Variants in ZNF253 observed in about 807,000 individuals in gnomAD.
ZNF253 encodes the protein DNA-binding protein.
In ZNF253, 8 loss-of-function variants were observed where a neutral mutation model predicts 11.9. The observed-to-expected ratio is 0.67, with a 90% CI of 0.40 to 1.22. The LOEUF (loss-of-function observed/expected upper bound fraction) is 1.22, where lower values mean the gene tolerates loss of function less well. ZNF253 is among the 50% of genes most tolerant of loss of function. The pLI is 0.01. For missense variants in ZNF253, 485 were observed against 586.9 expected, an observed-to-expected ratio of 0.83 and a Z score of 1.79; for synonymous variants, 194 against 194.9, an observed-to-expected ratio of 1.00 and a Z score of 0.04.
At chr19:19,870,076 C>CTTTATA (rs2063127848) in intron 1 of ZNF253, among the ~76,000 whole-genome samples, 1 of 152,012 alleles carries the variant, frequency 6.6e-6, no homozygotes, top group Non-Finnish European at 1.5e-5. Flanking sequence ...AGTGTTTTAA[C>CTTTATA]TGAAGTATAG....
chr19:19,876,168 A>G (rs79430981), intron 1 of ZNF253, among the ~76,000 whole-genome samples: 3 of 147,616 alleles, frequency 2.0e-5, no homozygotes, highest in East Asian at 2.0e-4. Flanking sequence ...AATGCTAACA[A>G]TGAGCCCAGG....
chr19:19,871,222 C>T (rs7253407), intron 1 of ZNF253: 65,566 of 152,458 alleles, frequency 0.43, 18,834 homozygotes, highest in African/African-American at 0.81. Context: ...GCTCACATTC[C>T]CATGATTGTG....
At chr19:19,883,896 A>G (rs1167233145) in intron 3 of ZNF253, among the ~76,000 whole-genome samples, 1 of 151,298 alleles carries the variant, frequency 6.6e-6, no homozygotes, top group East Asian at 1.9e-4. Flanking sequence ...TCTGTACTAA[A>G]ATACAAAAAA....
chr19:19,886,366 T>A (rs1026978448), intron 3 of ZNF253, among the ~76,000 whole-genome samples: 3 of 152,242 alleles, frequency 2.0e-5, no homozygotes, highest in Admixed American at 1.3e-4. Context: ...TTGTGTATTA[T>A]CTTGGTTTTG....
At chr19:19,865,848 G>A, upstream of ZNF253, 1 of 1,014,114 alleles carries the variant, frequency 9.9e-7, no homozygotes. Flanking sequence ...TGGTTTCTGG[G>A]GGCCTTTGTT....
intron 2 of ZNF253, among the ~76,000 whole-genome samples, chr19:19,879,675 C>T (rs1314560684): frequency 6.6e-6 from 1 of 152,170 alleles, no homozygotes; most frequent in Non-Finnish European, 1.5e-5. Context: ...TCTGTAGTAT[C>T]TCTGATGCAG....
chr19:19,889,840 A>G (rs1337188873), intron 3 of ZNF253, among the ~76,000 whole-genome samples: 1 of 150,754 alleles, frequency 6.6e-6, no homozygotes, highest in Non-Finnish European at 1.5e-5. Flanking sequence ...GGGTTTCACC[A>G]TGTTGGCCAG....
intron 3 of ZNF253, among the ~76,000 whole-genome samples, chr19:19,884,124 G>A (rs2063189159): frequency 6.6e-6 from 1 of 151,294 alleles, no homozygotes; most frequent in South Asian, 2.1e-4. Context: ...TTTGTTACTG[G>A]TTTAATTCAG....
chr19:19,880,343 T>G (rs2063172823), intron 3 of ZNF253, among the ~76,000 whole-genome samples, 197 bp downstream of exon 3: 1 of 150,330 alleles, frequency 6.7e-6, no homozygotes, highest in Non-Finnish European at 1.5e-5. Flanking sequence ...CTCTAAGAAT[T>G]CTACTTCTCC....
rs560249234 is a variant in ZNF253 at position 19,887,934 on chromosome 19, A to G, written c.227-3540A>G. Among the ~76,000 whole-genome samples the G allele has an allele frequency of 8.6e-4, 128 of 148,968 alleles. 1 individual carries two copies. Among genetic ancestry groups the G allele is most frequent in the Non-Finnish European group, 1.7e-3 (115 of 67,300 alleles). On this transcript the variant is annotated intron_variant, in intron 3 of 3. Transcript: ENST00000589717. ...GTATTTTTAGTAGAGATGGGGTTTCACCATGTTGATCAGGCTGATAAAATT... is the reference window on the plus strand; with the variant it reads ...GTATTTTTAGTAGAGATGGGGTTTCGCCATGTTGATCAGGCTGATAAAATT...
intron 1 of ZNF253, among the ~76,000 whole-genome samples, chr19:19,872,561 C>CTATATATATATATATA (rs58650123): frequency 5.5e-4 from 67 of 121,916 alleles, no homozygotes; most frequent in South Asian, 2.6e-3. Flanking sequence ...TAAACCATAA[C>CTATATATATATATATA]TATATATATA....
At chr19:19,885,844 T>C (rs747237819) in intron 3 of ZNF253, among the ~76,000 whole-genome samples, 2 of 152,234 alleles carry the variant, frequency 1.3e-5, no homozygotes, top group African/African-American at 2.4e-5. Context: ...CTTTGAACAA[T>C]GAAATTTTTT....
In ZNF253 at chr19:19,871,266, C is replaced by T. The variant is rs150222092; in HGVS notation, c.3+5267C>T. ...ATTCTACCCATGAGGCCTGCAGGCT[C>T]TCCTCCTGCAGCTCAGGCCTCACTC... On this transcript the variant is annotated intron_variant, in intron 1 of 3. Coordinates refer to ENST00000589717, the MANE Select transcript of ZNF253 (RefSeq NM_021047.3). 6.4e-3 allele frequency: 980 copies of T among 152,852 alleles called. 9 individuals carry two copies. The highest frequency in any genetic ancestry group is 0.01 in the Admixed American group (159 of 15,290). 9.5% of individuals were successfully genotyped at this position (152,852 alleles called of 1,614,324 possible).
intron 3 of ZNF253, among the ~76,000 whole-genome samples, chr19:19,890,498 TTGTGTGTGTGTGTG>T (rs35114806): frequency 2.1e-4 from 30 of 141,044 alleles, no homozygotes; most frequent in African/African-American, 3.7e-4. Context: ...CAATTTATAT[TTGTGTGTGTGTGTG>T]TGTGTGTGTG....
chr19:19,880,718 A>G (rs1180320757), intron 3 of ZNF253, among the ~76,000 whole-genome samples: 5 of 150,898 alleles, frequency 3.3e-5, no homozygotes, highest in African/African-American at 1.2e-4. Context: ...AAAAAAAAAA[A>G]AAGAGAGAAT....
intron 1 of ZNF253, among the ~76,000 whole-genome samples, chr19:19,868,096 G>A (rs1184779774): frequency 6.6e-6 from 1 of 151,100 alleles, no homozygotes; most frequent in East Asian, 1.9e-4. Flanking sequence ...CTGGATATTA[G>A]ACTTTTGTCA....
At chr19:19,871,326 G>A (rs1329940706) in intron 1 of ZNF253, 6 of 152,272 alleles carry the variant, frequency 3.9e-5, no homozygotes, top group African/African-American at 1.4e-4. Context: ...TGGCAAATGG[G>A]GTTCATATAA....
At chr19:19,879,988 C>T in intron 2 of ZNF253, 63 bp from the exon 3 acceptor site, 1 of 1,082,850 alleles carries the variant, frequency 9.2e-7, no homozygotes, top group Non-Finnish European at 1.3e-6. Flanking sequence ...CTGCTGAGCA[C>T]AGTACTAGCT....
intron 3 of ZNF253, among the ~76,000 whole-genome samples, chr19:19,882,380 G>A (rs896850682): frequency 6.6e-6 from 1 of 152,164 alleles, no homozygotes; most frequent in Admixed American, 6.5e-5. Flanking sequence ...AAGAGGGGTT[G>A]TAGCTTGGTC....
Sources: allele counts gnomAD v4.1 joint callset (sites outside exome capture counted in the v4.1 genomes callset), GRCh38; gene constraint gnomAD v4.1.1; transcripts MANE v1.5; gene names NCBI Gene and HGNC (gene_info 2026-07-23, HGNC 2026-07-21).